Variants in CHP1 observed in about 807,000 individuals in gnomAD.
CHP1 encodes calcineurin B homologous protein 1.
In CHP1, 11 loss-of-function variants were observed where a neutral mutation model predicts 27.4. The observed-to-expected ratio is 0.40, with a 90% CI of 0.25 to 0.67. CHP1 has a LOEUF of 0.67. Among genes scored for constraint, CHP1 ranks in the 30% least tolerant of loss-of-function variants. The pLI, the probability that CHP1 is intolerant of heterozygous loss-of-function variation, is 0.38. For synonymous variants in CHP1, 89 were observed against 87.4 expected (o/e 1.02, Z -0.10); for missense variants, 169 against 251.3 (o/e 0.67, Z 2.22).
At chr15:41,236,474 C>G (rs1244956399) in intron 1 of CHP1, among the ~76,000 whole-genome samples, 1 of 152,034 alleles carries the variant, frequency 6.6e-6, no homozygotes, top group Non-Finnish European at 1.5e-5. Flanking sequence ...GTTGCCCAGG[C>G]TGGTCTTGAA....
chr15:41,277,055 A>G (rs2047522831), intron 5 of CHP1, among the ~76,000 whole-genome samples: 1 of 152,200 alleles, frequency 6.6e-6, no homozygotes, highest in Non-Finnish European at 1.5e-5. Flanking sequence ...AGTCACCTAG[A>G]TAAGTTCTGC....
chr15:41,253,394 C>T (rs1567007271), intron 2 of CHP1, among the ~76,000 whole-genome samples: 1 of 151,142 alleles, frequency 6.6e-6, no homozygotes, highest in African/African-American at 2.4e-5. Flanking sequence ...ATAACTTGTT[C>T]GTATATTATT....
chr15:41,243,984 G>A (rs553866772), intron 2 of CHP1, among the ~76,000 whole-genome samples: 1 of 152,130 alleles, frequency 6.6e-6, no homozygotes, highest in African/African-American at 2.4e-5. Flanking sequence ...CGGATCATGA[G>A]GCCAGGAGGT....
chr15:41,277,575 G>T (rs1595484051), intron 5 of CHP1, among the ~76,000 whole-genome samples: 1 of 152,138 alleles, frequency 6.6e-6, no homozygotes, highest in Non-Finnish European at 1.5e-5. Context: ...AGATCATGAG[G>T]TCAGGAGTTC....
At chr15:41,263,511 A>G (rs903547566) in intron 4 of CHP1, among the ~76,000 whole-genome samples, 1 of 152,068 alleles carries the variant, frequency 6.6e-6, no homozygotes, top group Non-Finnish European at 1.5e-5. Context: ...ATCCCTTACA[A>G]CACTTCTCCA....
chr15:41,264,333 T>C (rs984524734), intron 4 of CHP1: 19 of 527,042 alleles, frequency 3.6e-5, no homozygotes, highest in African/African-American at 6.0e-5. Context: ...GATGCTGTGA[T>C]TGGGGTTCTG....
chr15:41,252,507 G>A (rs1163514520), intron 2 of CHP1, among the ~76,000 whole-genome samples: 3 of 152,116 alleles, frequency 2.0e-5, no homozygotes, highest in Admixed American at 6.6e-5. Context: ...GTTCCAGTGG[G>A]TATGTCCTAT....
chr15:41,256,282 T>C (rs1595477078), intron 2 of CHP1, among the ~76,000 whole-genome samples: 1 of 152,320 alleles, frequency 6.6e-6, no homozygotes, highest in South Asian at 2.1e-4. Context: ...TTCGCTTTGG[T>C]ATAACCTCGC....
rs532774946 is a variant in CHP1, at chr15:41,253,052, T to C, written c.141-3858T>C. 9.0e-4 allele frequency among the ~76,000 whole-genome samples: 133 copies of C among 148,028 alleles called. 4 individuals are homozygous for C. In the South Asian group the frequency reaches 0.024, roughly 27 times the overall value. ...CTCCCAGGTTCAAGTGATTCTCCTT[T>C]CTCAGCCTCCAGAGTAGCTGGGACT... On this transcript the variant is annotated intron_variant, in intron 2 of 6. Transcript: ENST00000334660.
chr15:41,243,534 G>T (rs2047317677), intron 1 of CHP1, 133 bp from the exon 2 acceptor site: 3 of 611,330 alleles, frequency 4.9e-6, no homozygotes, highest in African/African-American at 1.8e-5. Flanking sequence ...TAAACTTTCT[G>T]CTTTAACATT....
At chr15:41,247,091 C>T (rs966807063) in intron 2 of CHP1, among the ~76,000 whole-genome samples, 8 of 151,844 alleles carry the variant, frequency 5.3e-5, no homozygotes, top group South Asian at 2.1e-4. Flanking sequence ...AAGGGCCAAG[C>T]GCAGTGGCTT....
intron 1 of CHP1, among the ~76,000 whole-genome samples, chr15:41,238,886 C>T (rs28554139): frequency 0.21 from 31,939 of 152,012 alleles, 3,677 homozygotes; most frequent in Non-Finnish European, 0.26. Flanking sequence ...TATGCACGGC[C>T]TTCTCTGAGA....
At chr15:41,236,414 A>G (rs1046628912) in intron 1 of CHP1, among the ~76,000 whole-genome samples, 2 of 152,032 alleles carry the variant, frequency 1.3e-5, no homozygotes, top group Admixed American at 1.3e-4. Context: ...GGCACATGCC[A>G]CCACGCCTGG....
Position 41,278,617 on chromosome 15 carries a change from G to C in CHP1, c.412-150G>C, listed in dbSNP as rs1056203950. 6 of 836,762 alleles carry C rather than the reference G, an allele frequency of 7.2e-6. No individual in the cohort carries two copies. The East Asian group carries it at 1.6e-4, about 23-fold the overall frequency. 51.8% of individuals were successfully genotyped at this position (836,762 alleles called of 1,614,324 possible). A position where few individuals can be genotyped will look rare whatever the true frequency, so the allele number is the denominator to read the frequency against. On this transcript the variant is annotated intron_variant, in intron 5 of 6. Transcript: ENST00000334660. ...TAGCACCACCATTATATATGCAGTC[G>C]GTCATTAACCAAAACATTATTATGC...
chr15:41,264,051 A>T, intron 4 of CHP1: 1 of 482,404 alleles, frequency 2.1e-6, no homozygotes, highest in Non-Finnish European at 3.6e-6. Context: ...AGAACTAGGG[A>T]TTTTTCTCTT....
At chr15:41,278,953 CT>C in intron 6 of CHP1, 64 bp downstream of exon 6, 1 of 1,599,634 alleles carries the variant, frequency 6.3e-7, no homozygotes, top group East Asian at 2.2e-5. Flanking sequence ...TGGCTTACGC[CT>C]GTAATCCCAG....
At position 41,262,733 on chromosome 15, in the gene CHP1, T is replaced by C. The variant is rs375132328; in HGVS notation, c.222-23T>C. On this transcript the variant is annotated intron_variant, in intron 3 of 6. Coordinates refer to ENST00000334660, the MANE Select transcript of CHP1 (RefSeq NM_007236.5). ...AATCACCGTGATTGACATGGTGTTGTGTTTGTTATATTTCACAATCAGAGA... is the reference window on the plus strand; with the variant it reads ...AATCACCGTGATTGACATGGTGTTGCGTTTGTTATATTTCACAATCAGAGA... The C allele has an allele frequency of 1.1e-5, 18 of 1,610,950 alleles. No individual in the cohort carries two copies. In the African/African-American group the frequency reaches 2.3e-4, roughly 20 times the overall value.
At chr15:41,236,426 T>C (rs1443918644) in intron 1 of CHP1, among the ~76,000 whole-genome samples, 1 of 152,042 alleles carries the variant, frequency 6.6e-6, no homozygotes, top group Middle Eastern at 3.2e-3. Flanking sequence ...CACGCCTGGC[T>C]AATTTTTTAA....
At chr15:41,232,794 G>A (rs1001261265) in intron 1 of CHP1, among the ~76,000 whole-genome samples, 1 of 152,160 alleles carries the variant, frequency 6.6e-6, no homozygotes. Flanking sequence ...CGGCCCATAT[G>A]CAGATAGTAC....
Sources: allele counts gnomAD v4.1 joint callset (sites outside exome capture counted in the v4.1 genomes callset), GRCh38; gene constraint gnomAD v4.1.1; transcripts MANE v1.5; gene names NCBI Gene and HGNC (gene_info 2026-07-23, HGNC 2026-07-21).